The following CBFA2T3 variants were observed in gnomAD, a reference collection of about 807,000 sequenced individuals.
CBFA2T3 encodes the protein transcriptional corepressor CBFA2T3.
A neutral mutation model predicts 58.6 loss-of-function variants in CBFA2T3; 31 were observed. The ratio of observed to expected loss-of-function variants is 0.53; its 90% CI spans 0.40 to 0.71. The LOEUF (loss-of-function observed/expected upper bound fraction) is 0.71. Among genes scored for constraint, CBFA2T3 ranks in the 30% least tolerant of loss-of-function variants. CBFA2T3 has a pLI of 0.00. For missense variants in CBFA2T3, 1,076 were observed against 963.1 expected, an observed-to-expected ratio of 1.12 and a Z score of -1.55; for synonymous variants, 531 against 421.9, an observed-to-expected ratio of 1.26 and a Z score of -3.17.
At chr16:88,889,101 G>A (rs923431015) in intron 5 of CBFA2T3, among the ~76,000 whole-genome samples, 3 of 151,650 alleles carry the variant, frequency 2.0e-5, no homozygotes, top group African/African-American at 7.3e-5. Context: ...ATAAGCAGGC[G>A]CACTGTGTCC....
rs1157535632 is a variant in CBFA2T3 at position 88,941,153 on chromosome 16, G to T, written c.151+35504C>A. On this transcript the variant is annotated intron_variant, in intron 1 of 11. Coordinates refer to ENST00000268679, the MANE Select transcript of CBFA2T3 (RefSeq NM_005187.6). ...CGGCTGCGCGCTGTCTTCTGGCGCCGCACCGGGCTCAGGCGCGCGGCGGGG... is the reference window on the plus strand; with the variant it reads ...CGGCTGCGCGCTGTCTTCTGGCGCCTCACCGGGCTCAGGCGCGCGGCGGGG... 32 of 983,072 alleles carry T rather than the reference G, an allele frequency of 3.3e-5. No individual in the cohort carries two copies. The South Asian group carries it at 1.4e-3, about 42-fold the overall frequency. 60.9% of individuals were successfully genotyped at this position (983,072 alleles called of 1,614,324 possible).
At chr16:88,882,517 G>A (rs1027041205) in intron 8 of CBFA2T3, among the ~76,000 whole-genome samples, 159 bp downstream of exon 8, 1 of 150,350 alleles carries the variant, frequency 6.7e-6, no homozygotes, top group Admixed American at 6.6e-5. Context: ...CTGTGTGGGC[G>A]TGGCTTGTGT....
In CBFA2T3 at chr16:88,925,213, C is replaced by T. The variant is rs367603843; in HGVS notation, c.152-23557G>A. ...CCCGGATTGGTCCTCTCCCAGCCCC[C>T]GGCCTTGGGAAGGTGCCAGGCAGGC... On this transcript the variant is annotated intron_variant, in intron 1 of 11. Transcript: ENST00000268679. Among the ~76,000 whole-genome samples the T allele has an allele frequency of 4.6e-5, 7 of 152,324 alleles. No individual in the cohort carries two copies. The East Asian group carries it at 9.6e-4, about 21-fold the overall frequency.
At chr16:88,975,120 G>GATCCTCTGCTCCTGACCTGCA (rs1567643739) in intron 1 of CBFA2T3, among the ~76,000 whole-genome samples, 4 of 108,080 alleles carry the variant, frequency 3.7e-5, no homozygotes, top group East Asian at 4.9e-4. Flanking sequence ...AGGCCACCCT[G>GATCCTCTGCTCCTGACCTGCA]GCCCTCTGCT....
At chr16:88,956,968 C>T (rs1972234713) in intron 1 of CBFA2T3, among the ~76,000 whole-genome samples, 1 of 150,834 alleles carries the variant, frequency 6.6e-6, no homozygotes, top group Non-Finnish European at 1.5e-5. Context: ...AGAAGTGGCT[C>T]ACCCGGAGAC....
intron 1 of CBFA2T3, among the ~76,000 whole-genome samples, chr16:88,910,291 C>T (rs1388321345): frequency 6.6e-6 from 1 of 152,220 alleles, no homozygotes; most frequent in Admixed American, 6.5e-5. Context: ...CGGCCCTTCA[C>T]CCTGGCTCCC....
At chr16:88,916,239 C>T (rs1970720057) in intron 1 of CBFA2T3, among the ~76,000 whole-genome samples, 2 of 129,462 alleles carry the variant, frequency 1.5e-5, no homozygotes, top group East Asian at 4.4e-4. Flanking sequence ...TGTGTGTATT[C>T]ATGTGTGTAT....
intron 5 of CBFA2T3, among the ~76,000 whole-genome samples, chr16:88,888,908 G>A (rs981734368): frequency 2.6e-5 from 4 of 151,944 alleles, no homozygotes; most frequent in African/African-American, 4.8e-5. Context: ...CGGCCCTCAC[G>A]AGAGCCGGGC....
intron 1 of CBFA2T3, among the ~76,000 whole-genome samples, chr16:88,974,729 G>A (rs1972751053): frequency 6.6e-6 from 1 of 152,164 alleles, no homozygotes; most frequent in Non-Finnish European, 1.5e-5. Context: ...TGGGGCTGAG[G>A]TGCCCTCAGG....
At chr16:88,947,973 G>A (rs180713181) in intron 1 of CBFA2T3, among the ~76,000 whole-genome samples, 8 of 152,262 alleles carry the variant, frequency 5.3e-5, no homozygotes, top group Admixed American at 4.6e-4. Flanking sequence ...TAAAAGGAGG[G>A]AGGGGCACTT....
intron 1 of CBFA2T3, among the ~76,000 whole-genome samples, chr16:88,948,520 C>A (rs773030161): frequency 1.4e-4 from 22 of 152,218 alleles, no homozygotes; most frequent in Admixed American, 1.3e-4. Context: ...CAAGGAGACC[C>A]TCCCGGAGGC....
rs188104486 is a variant in CBFA2T3 at position 88,977,120 on chromosome 16, G to T, written c.-313C>A. The T allele has an allele frequency of 6.7e-4, 222 of 332,088 alleles. No homozygotes were observed. The highest frequency in any genetic ancestry group is 4.1e-3 in the African/African-American group (202 of 48,834). 20.6% of individuals were successfully genotyped at this position (332,088 alleles called of 1,614,324 possible). ...GTGTCCCCGTGATAATGCCGGGGCC[G>T]GAGGCCTGCAGCTGCGCCCGCCACT... On this transcript the variant is annotated 5_prime_UTR_variant, in exon 1 of 12. Coordinates refer to ENST00000268679, the MANE Select transcript of CBFA2T3 (RefSeq NM_005187.6).
chr16:88,910,931 G>T (rs1970511131), intron 1 of CBFA2T3, among the ~76,000 whole-genome samples: 2 of 151,640 alleles, frequency 1.3e-5, no homozygotes, highest in Non-Finnish European at 2.9e-5. Context: ...GGGGATCTGG[G>T]GTGGGCAGAG....
At chr16:88,949,514 G>A (rs1238701350) in intron 1 of CBFA2T3, among the ~76,000 whole-genome samples, 2 of 149,096 alleles carry the variant, frequency 1.3e-5, no homozygotes, top group Non-Finnish European at 3.0e-5. Context: ...AGCTGAAATC[G>A]AGTCACCTGC....
intron 1 of CBFA2T3, among the ~76,000 whole-genome samples, chr16:88,917,619 G>A (rs1970778789): frequency 6.6e-6 from 1 of 152,164 alleles, no homozygotes. Context: ...CTCTGCAGAG[G>A]GCGGCTGCCA....
At chr16:88,887,615 G>A (rs1567580858) in intron 5 of CBFA2T3, among the ~76,000 whole-genome samples, 1 of 152,142 alleles carries the variant, frequency 6.6e-6, no homozygotes, top group Non-Finnish European at 1.5e-5. Flanking sequence ...AGCAGCCCTC[G>A]GCAAGCAGGG....
intron 1 of CBFA2T3, chr16:88,902,459 C>T (rs1327986342): frequency 1.3e-5 from 2 of 151,514 alleles, no homozygotes; most frequent in African/African-American, 2.5e-5. Context: ...GTCTGAGAAG[C>T]TCCACCCAGG....
intron 1 of CBFA2T3, among the ~76,000 whole-genome samples, chr16:88,909,999 G>A (rs7188593): frequency 1.2e-3 from 178 of 152,258 alleles, no homozygotes; most frequent in Middle Eastern, 3.4e-3. Context: ...CTCCCACGGC[G>A]GCTCCCCAGC....
chr16:88,923,352 C>T (rs1970982586), intron 1 of CBFA2T3, among the ~76,000 whole-genome samples: 1 of 152,212 alleles, frequency 6.6e-6, no homozygotes, highest in South Asian at 2.1e-4. Flanking sequence ...CTTTTCCAGG[C>T]AGGCCACCAG....
Sources: gnomAD v4.1 joint callset for allele counts (sites outside exome capture counted in the v4.1 genomes callset) on GRCh38, gnomAD v4.1.1 for gene constraint, MANE v1.5 for transcripts, NCBI Gene and HGNC (gene_info 2026-07-23, HGNC 2026-07-21) for gene names.